Variants in PTPN13 observed in about 807,000 individuals in gnomAD.
PTPN13 encodes protein tyrosine phosphatase non-receptor type 13, also known as tyrosine-protein phosphatase non-receptor type 13.
In PTPN13, 191 loss-of-function variants were observed where a neutral mutation model predicts 284.0. The observed-to-expected ratio is 0.67, with a 90% CI of 0.60 to 0.76. The LOEUF (loss-of-function observed/expected upper bound fraction) is 0.76, where lower values mean the gene tolerates loss of function less well. PTPN13 is among the 30% of genes least tolerant of loss of function. PTPN13 has a pLI of 0.00. For synonymous variants in PTPN13, 986 were observed against 1,022.3 expected (o/e 0.96, Z 0.68); for missense variants, 2,797 against 2,939.9 (o/e 0.95, Z 1.12).
chr4:86,699,347 C>G (rs1730899530), intron 6 of PTPN13, among the ~76,000 whole-genome samples: 1 of 151,824 alleles, frequency 6.6e-6, no homozygotes, highest in Admixed American at 6.6e-5. Flanking sequence ...GATGGCGCCA[C>G]TGCACTCGAG....
intron 40 of PTPN13, among the ~76,000 whole-genome samples, chr4:86,789,372 A>G (rs1325831802): frequency 1.3e-5 from 2 of 152,142 alleles, no homozygotes; most frequent in African/African-American, 4.8e-5. Context: ...ATCCTGCTTG[A>G]CTGGTTGGAT....
intron 35 of PTPN13, among the ~76,000 whole-genome samples, chr4:86,780,036 G>T (rs570446313): frequency 6.6e-6 from 1 of 152,204 alleles, no homozygotes; most frequent in South Asian, 2.1e-4. Context: ...GGGAAATAGG[G>T]TGATATGTTA....
intron 2 of PTPN13, among the ~76,000 whole-genome samples, chr4:86,669,129 T>A (rs563071032): frequency 6.6e-6 from 1 of 151,698 alleles, no homozygotes; most frequent in African/African-American, 2.4e-5. Context: ...AATAAGAAAT[T>A]AATTCTTTAT....
chr4:86,686,958 A>C (rs1230759922), intron 4 of PTPN13, among the ~76,000 whole-genome samples, 183 bp downstream of exon 4: 1 of 152,204 alleles, frequency 6.6e-6, no homozygotes, highest in Non-Finnish European at 1.5e-5. Context: ...TAAAGTACTA[A>C]AGACACTATT....
intron 25 of PTPN13, among the ~76,000 whole-genome samples, chr4:86,765,049 C>T (rs1357210492): frequency 6.6e-6 from 1 of 152,124 alleles, no homozygotes; most frequent in Non-Finnish European, 1.5e-5. Context: ...GATTATATAT[C>T]TCTAACCTAC....
intron 39 of PTPN13, among the ~76,000 whole-genome samples, chr4:86,785,589 A>G (rs968603519): frequency 6.6e-6 from 1 of 152,098 alleles, no homozygotes; most frequent in African/African-American, 2.4e-5. Context: ...TATCATTTAT[A>G]TCATGGCTTT....
chr4:86,598,219 A>C (rs1204598547), intron 1 of PTPN13, among the ~76,000 whole-genome samples: 2 of 151,570 alleles, frequency 1.3e-5, no homozygotes, highest in Admixed American at 6.6e-5. Context: ...TCTCACTGCA[A>C]CCTCTGCCCC....
At chr4:86,608,709 C>T (rs943583758) in intron 1 of PTPN13, among the ~76,000 whole-genome samples, 10 of 152,050 alleles carry the variant, frequency 6.6e-5, no homozygotes, top group African/African-American at 2.4e-4. Context: ...GTTCCGAAGC[C>T]TGTGTGCCTA....
intron 1 of PTPN13, among the ~76,000 whole-genome samples, chr4:86,610,835 C>G (rs1313248426): frequency 6.6e-6 from 1 of 152,094 alleles, no homozygotes; most frequent in Non-Finnish European, 1.5e-5. Flanking sequence ...CATGAACTTG[C>G]CTATTCTGTT....
chr4:86,791,105 C>G (rs1742597546), intron 40 of PTPN13, among the ~76,000 whole-genome samples: 1 of 152,172 alleles, frequency 6.6e-6, no homozygotes, highest in African/African-American at 2.4e-5. Context: ...AAAGCCATGA[C>G]AGACTGTACC....
chr4:86,721,832 T>C (rs917413907), intron 9 of PTPN13, among the ~76,000 whole-genome samples: 2 of 150,198 alleles, frequency 1.3e-5, no homozygotes, highest in Non-Finnish European at 3.0e-5. Context: ...TCAACCCCCT[T>C]ACCCCCAGGC....
chr4:86,713,808 A>G (rs1246996463), intron 7 of PTPN13, among the ~76,000 whole-genome samples: 1 of 152,082 alleles, frequency 6.6e-6, no homozygotes, highest in African/African-American at 2.4e-5. Flanking sequence ...CTCAATTTCC[A>G]GTTCATCATC....
Position 86,689,083 on chromosome 4 carries a change from C to A in PTPN13, c.439C>A (p.Arg147=), listed in dbSNP as rs756236911. 1.2e-6 allele frequency: 2 copies of A among 1,601,256 alleles called. No individual in the cohort carries two copies. Among genetic ancestry groups the A allele is most frequent in the Non-Finnish European group, 8.6e-7 (1 of 1,168,346 alleles). The change falls in exon 5 of 48, where the codon CGG becomes AGG. Residue 147 remains arginine (R), a synonymous_variant. Coordinates refer to ENST00000411767, the MANE Select transcript of PTPN13 (RefSeq NM_080683.3). ...TGTTATTTACGCTCGAGTTTCTGTT[C>A]GGACTGTGCTGGATGCTTGCAGTGC... is the stretch of plus-strand genomic sequence containing the variant. The part of the protein sequence containing the change: ...EDVIYARVSV[R]TVLDACSAHI...
At chr4:86,650,604 G>C (rs1204485889) in intron 2 of PTPN13, among the ~76,000 whole-genome samples, 5 of 152,166 alleles carry the variant, frequency 3.3e-5, no homozygotes, top group Admixed American at 6.6e-5. Context: ...CACCCAGCCT[G>C]TTTTATAGTT....
chr4:86,683,913 A>C (rs1729166867), intron 3 of PTPN13, among the ~76,000 whole-genome samples: 1 of 152,188 alleles, frequency 6.6e-6, no homozygotes, highest in African/African-American at 2.4e-5. Context: ...TTCATATATG[A>C]GGTTCTTTGA....
At chr4:86,797,575 A>G (rs548312355) in intron 41 of PTPN13, among the ~76,000 whole-genome samples, 6 of 152,246 alleles carry the variant, frequency 3.9e-5, no homozygotes, top group Admixed American at 2.0e-4. Context: ...TTATTATACT[A>G]TTGCTTCAAG....
At chr4:86,751,001 C>G in intron 18 of PTPN13, 26 bp from the exon 19 acceptor site, 2 of 1,576,086 alleles carry the variant, frequency 1.3e-6, no homozygotes, top group Non-Finnish European at 1.7e-6. Context: ...TAACACTTCC[C>G]TCCTACCTTC....
chr4:86,749,639 A>G (rs1468683396), intron 17 of PTPN13, among the ~76,000 whole-genome samples: 1 of 152,254 alleles, frequency 6.6e-6, no homozygotes, highest in Non-Finnish European at 1.5e-5. Context: ...AACACTTGTT[A>G]TAAAGTATCT....
intron 3 of PTPN13, among the ~76,000 whole-genome samples, chr4:86,674,951 G>A (rs1025458189): frequency 2.0e-5 from 3 of 152,114 alleles, no homozygotes; most frequent in East Asian, 1.9e-4. Flanking sequence ...TAGTATGTGT[G>A]CATAGGTATT....
Sources: gnomAD v4.1 joint callset for allele counts (sites outside exome capture counted in the v4.1 genomes callset) on GRCh38, gnomAD v4.1.1 for gene constraint, MANE v1.5 for transcripts, NCBI Gene and HGNC (gene_info 2026-07-23, HGNC 2026-07-21) for gene names.